TOPAZ1: variants seen among roughly 807,000 people sequenced by gnomAD.
TOPAZ1 encodes the protein protein TOPAZ1.
A neutral mutation model predicts 172.2 loss-of-function variants in TOPAZ1; 66 were observed. That is an observed-to-expected ratio of 0.38 (90% CI 0.31 to 0.47). The LOEUF (loss-of-function observed/expected upper bound fraction) is 0.47. Ranked by LOEUF, TOPAZ1 falls within the 20% of genes least tolerant of loss-of-function variation. The probability of loss-of-function intolerance (pLI) is 0.99; values close to 1 mark genes in which losing one functional copy is unlikely to be tolerated. For synonymous variants in TOPAZ1, 681 were observed against 683.9 expected, an observed-to-expected ratio of 1.00 and a Z score of 0.07; for missense variants, 1,822 against 1,972.4, an observed-to-expected ratio of 0.92 and a Z score of 1.44.
At chr3:44,323,738 C>T (rs896161131) in intron 18 of TOPAZ1, among the ~76,000 whole-genome samples, 1 of 152,166 alleles carries the variant, frequency 6.6e-6, no homozygotes, top group African/African-American at 2.4e-5. Context: ...GCTGTCATAA[C>T]AATGCAACAT....
intron 16 of TOPAZ1, among the ~76,000 whole-genome samples, chr3:44,311,268 A>G (rs1036363581): frequency 6.6e-6 from 1 of 152,226 alleles, no homozygotes; most frequent in African/African-American, 2.4e-5. Flanking sequence ...GTATTCTTCA[A>G]CTTAAACATA....
At chr3:44,328,497 GATGTAA>G in intron 19 of TOPAZ1, 64 bp downstream of exon 19, 1 of 889,474 alleles carries the variant, frequency 1.1e-6, no homozygotes, top group Non-Finnish European at 1.6e-6. Context: ...CCCACCCTAA[GATGTAA>G]ATGTTTTATG....
intron 11 of TOPAZ1, among the ~76,000 whole-genome samples, chr3:44,290,242 C>T (rs975575994): frequency 2.6e-5 from 4 of 152,188 alleles, no homozygotes; most frequent in African/African-American, 7.2e-5. Flanking sequence ...TGTTGGTTCT[C>T]TTCATTAGCG....
intron 7 of TOPAZ1, 36 bp downstream of exon 7, chr3:44,269,337 C>G (rs1559531873): frequency 7.9e-7 from 1 of 1,271,388 alleles, no homozygotes; most frequent in Non-Finnish European, 1.1e-6. Flanking sequence ...TAATCTGTCT[C>G]TTTCTCCTCC....
intron 16 of TOPAZ1, among the ~76,000 whole-genome samples, chr3:44,320,306 G>A (rs1234346636): frequency 2.0e-5 from 3 of 152,020 alleles, no homozygotes. Flanking sequence ...GTTAAGAAAA[G>A]CTATTCGCTG....
At position 44,305,290 on chromosome 3, in the gene TOPAZ1, A is replaced by G; in HGVS notation, c.4008A>G (p.Pro1336=). ...CAAAAAACTATGAAGATGAAAGACC[A>G]GATATTCCCTTTTGTGAATTTGCTG... is the stretch of plus-strand genomic sequence containing the variant. The part of the protein sequence containing the change: ...TLTKNYEDER[P]DIPFCEFAET... Residue 1336 remains proline (P), a synonymous_variant, in exon 14 of 20, where the codon CCA becomes CCG. Transcript: ENST00000309765. The G allele has an allele frequency of 1.3e-6, 2 of 1,541,822 alleles. No homozygotes were observed. The highest frequency in any genetic ancestry group is 1.7e-6 in the Non-Finnish European group (2 of 1,144,568).
Position 44,270,730 on chromosome 3 carries a change from A to G in TOPAZ1, c.3292A>G (p.Lys1098Glu), listed in dbSNP as rs1384103654. ...LGLMIPYKYC[K>E]FHFNTLRGCE... ...GTTGATGATACCCTATAAATATTGC[A>G]AATTTCATTTTAATACATTACGTGG... The change falls in exon 8 of 20, where the codon AAA (lysine) becomes GAA (glutamate). Residue 1098 changes from lysine to glutamate, a missense_variant. Lys to Glu is a moderately conservative substitution (Grantham distance 56, BLOSUM62 1). Coordinates refer to ENST00000309765, the MANE Select transcript of TOPAZ1 (RefSeq NM_001145030.2). 4 of 1,550,838 alleles carry G rather than the reference A, an allele frequency of 2.6e-6. No homozygotes were observed.
chr3:44,305,026 TTG>T (rs1700318700), intron 13 of TOPAZ1, 119 bp from the exon 14 acceptor site: 1 of 672,158 alleles, frequency 1.5e-6, no homozygotes, highest in Non-Finnish European at 2.4e-6. Flanking sequence ...TGTGCAGATT[TTG>T]TCTTATTAAT....
intron 4 of TOPAZ1, among the ~76,000 whole-genome samples, chr3:44,256,655 T>A (rs1699707095): frequency 6.6e-6 from 1 of 152,206 alleles, no homozygotes; most frequent in African/African-American, 2.4e-5. Flanking sequence ...CTGAGGGCCA[T>A]GCTTCCTAGT....
In TOPAZ1 at chr3:44,244,776, G is replaced by A; in HGVS notation, c.2270G>A (p.Ser757Asn). 1 of 1,551,534 alleles carries A rather than the reference G, an allele frequency of 6.4e-7. No individual in the cohort carries two copies. The change falls in exon 2 of 20, where the codon AGT becomes AAT. Residue 757 changes from serine to asparagine, a missense_variant. Ser to Asn is a conservative substitution (Grantham distance 46). Coordinates refer to ENST00000309765, the MANE Select transcript of TOPAZ1 (RefSeq NM_001145030.2). ...AATAGTGTAACTCCAGTGCAAGCTA[G>A]TTCTGACTCATTCTACAATAAGAAA... is the stretch of plus-strand genomic sequence containing the variant. ...IRNSVTPVQA[S>N]SDSFYNKKSY...
intron 2 of TOPAZ1, among the ~76,000 whole-genome samples, chr3:44,254,066 C>T (rs146223047): frequency 5.3e-5 from 8 of 152,296 alleles, no homozygotes; most frequent in Admixed American, 3.9e-4. Context: ...TTAAGGACAT[C>T]TTATCTCATT....
At chr3:44,259,338 T>C (rs1699750129) in intron 4 of TOPAZ1, among the ~76,000 whole-genome samples, 1 of 152,112 alleles carries the variant, frequency 6.6e-6, no homozygotes, top group South Asian at 2.1e-4. Flanking sequence ...TGCAGAAGAG[T>C]TACCCCAATA....
chr3:44,280,515 T>C (rs1345920125), intron 8 of TOPAZ1, among the ~76,000 whole-genome samples: 1 of 151,876 alleles, frequency 6.6e-6, no homozygotes. Context: ...GTCCAGTTAA[T>C]TTTTCTATTT....
At chr3:44,286,608 AG>A (rs1247673050) in intron 9 of TOPAZ1, among the ~76,000 whole-genome samples, 3 of 152,226 alleles carry the variant, frequency 2.0e-5, no homozygotes, top group Non-Finnish European at 2.9e-5. Context: ...AAACAATACC[AG>A]GTAATCCAGC....
chr3:44,284,686 A>G (rs950471419), intron 9 of TOPAZ1, among the ~76,000 whole-genome samples: 3 of 152,210 alleles, frequency 2.0e-5, no homozygotes, highest in African/African-American at 7.2e-5. Flanking sequence ...GAATTTCCAC[A>G]TAAAATTTCC....
chr3:44,249,097 A>G (rs975488501), intron 2 of TOPAZ1, among the ~76,000 whole-genome samples: 2 of 152,338 alleles, frequency 1.3e-5, no homozygotes, highest in African/African-American at 2.4e-5. Context: ...GAGGATTTCC[A>G]TAATAGTCAG....
At chr3:44,328,468 T>G in intron 19 of TOPAZ1, 35 bp downstream of exon 19, 1 of 1,370,440 alleles carries the variant, frequency 7.3e-7, no homozygotes. Flanking sequence ...ATTCTGAATG[T>G]AGATCATGAC....
At position 44,305,002 on chromosome 3, in the gene TOPAZ1, G is replaced by A; in HGVS notation, c.3865-145G>A. On this transcript the variant is annotated intron_variant, in intron 13 of 19. Coordinates refer to ENST00000309765, the MANE Select transcript of TOPAZ1 (RefSeq NM_001145030.2). Reference sequence around the variant, plus strand: ...TGTGTTGTTGATGTGATACTTGTTGGTAAGCTTATAAGATGTGCAGATTTT... The same window carrying A: ...TGTGTTGTTGATGTGATACTTGTTGATAAGCTTATAAGATGTGCAGATTTT... 3 of 569,992 alleles carry A rather than the reference G, an allele frequency of 5.3e-6. No homozygotes were observed. The South Asian group carries it at 8.0e-5, about 15-fold the overall frequency. 35.3% of individuals were successfully genotyped at this position (569,992 alleles called of 1,614,324 possible). A position where few individuals can be genotyped will look rare whatever the true frequency, so the allele number is the denominator to read the frequency against.
At chr3:44,305,442 T>C in intron 14 of TOPAZ1, 121 bp downstream of exon 14, 1 of 774,980 alleles carries the variant, frequency 1.3e-6, no homozygotes, top group Non-Finnish European at 1.9e-6. Context: ...CGGTCATAGC[T>C]CACCGCAGCC....
Sources: allele counts gnomAD v4.1 joint callset (sites outside exome capture counted in the v4.1 genomes callset), GRCh38; gene constraint gnomAD v4.1.1; transcripts MANE v1.5; gene names NCBI Gene and HGNC (gene_info 2026-07-23, HGNC 2026-07-21).